The following PDE1C variants were observed in gnomAD, a reference collection of about 807,000 sequenced individuals.
PDE1C encodes the protein dual specificity calcium/calmodulin-dependent 3',5'-cyclic nucleotide phosphodiesterase 1C.
In PDE1C, 62 loss-of-function variants were observed where a neutral mutation model predicts 93.1. The ratio of observed to expected loss-of-function variants is 0.67; its 90% confidence interval spans 0.54 to 0.82. The LOEUF (loss-of-function observed/expected upper bound fraction) is 0.82, where lower values mean the gene tolerates loss of function less well. Among genes scored for constraint, PDE1C ranks in the 40% least tolerant of loss-of-function variants. The probability of loss-of-function intolerance (pLI) is 0.00; values close to 1 mark genes in which losing one functional copy is unlikely to be tolerated. For missense variants in PDE1C, 742 were observed against 884.6 expected, an observed-to-expected ratio of 0.84 and a Z score of 2.04; for synonymous variants, 325 against 310.1, an observed-to-expected ratio of 1.05 and a Z score of -0.50.
chr7:31,878,154 C>A (rs914719451), intron 4 of PDE1C, 118 bp from the exon 5 acceptor site: 4 of 625,052 alleles, frequency 6.4e-6, no homozygotes, highest in Admixed American at 3.3e-5. Context: ...ATCCAAAGAA[C>A]CTAAAATTCA....
intron 1 of PDE1C, among the ~76,000 whole-genome samples, chr7:32,337,978 T>A: frequency 6.6e-6 from 1 of 151,928 alleles, no homozygotes; most frequent in South Asian, 2.1e-4. Context: ...AAAAATTAAC[T>A]CAAAGACCTA....
intron 1 of PDE1C, among the ~76,000 whole-genome samples, chr7:32,257,112 C>G (rs1424681225): frequency 1.3e-5 from 2 of 152,108 alleles, no homozygotes; most frequent in East Asian, 1.9e-4. Context: ...AGATAAGCCT[C>G]TCAACCAAAG....
At chr7:32,076,383 G>A (rs1454050364), upstream of PDE1C, among the ~76,000 whole-genome samples, 6 of 152,180 alleles carry the variant, frequency 3.9e-5, no homozygotes, top group Non-Finnish European at 8.8e-5. Flanking sequence ...GCTCATGCCT[G>A]TAATCCCAGC....
intron 2 of PDE1C, among the ~76,000 whole-genome samples, chr7:31,931,836 C>T (rs1289410323): frequency 6.6e-6 from 1 of 152,152 alleles, no homozygotes; most frequent in East Asian, 1.9e-4. Context: ...TGACTTCAAA[C>T]TATACTACAA....
upstream of PDE1C, among the ~76,000 whole-genome samples, chr7:32,072,554 G>A (rs925306402): frequency 1.3e-5 from 2 of 152,292 alleles, no homozygotes; most frequent in East Asian, 1.9e-4. Context: ...CCCCAAATGG[G>A]GTATTTCCAT....
At chr7:31,988,156 C>T (rs1053060949) in intron 2 of PDE1C, among the ~76,000 whole-genome samples, 5 of 152,188 alleles carry the variant, frequency 3.3e-5, no homozygotes, top group African/African-American at 1.2e-4. Context: ...TGGCTTCACC[C>T]TCTGCCCTGC....
the PDE1C span, among the ~76,000 whole-genome samples, chr7:31,638,456 T>TATGTTTTACATACAAACA: frequency 6.6e-6 from 1 of 152,146 alleles, no homozygotes; most frequent in African/African-American, 2.4e-5. Flanking sequence ...TAATAACAGG[T>TATGTTTTACATACAAACA]GTTTATGTTT....
chr7:31,659,782 T>C, the PDE1C span, among the ~76,000 whole-genome samples: 163 of 152,296 alleles, frequency 1.1e-3, no homozygotes, highest in Middle Eastern at 3.4e-3. Context: ...ACTCAAATCA[T>C]GTAGAGCTAT....
chr7:32,237,109 T>TG (rs1808150784), intron 1 of PDE1C, among the ~76,000 whole-genome samples: 1 of 142,712 alleles, frequency 7.0e-6, no homozygotes, highest in Admixed American at 7.4e-5. Context: ...TTTTTTAAGA[T>TG]GGAGTCTCGC....
At chr7:32,317,232 A>G (rs998617809) in intron 1 of PDE1C, among the ~76,000 whole-genome samples, 7 of 152,200 alleles carry the variant, frequency 4.6e-5, no homozygotes, top group Non-Finnish European at 1.0e-4. Context: ...CCTCTCTGGT[A>G]GTTTTCTTTA....
the PDE1C span, among the ~76,000 whole-genome samples, chr7:31,735,744 G>T: frequency 3.3e-5 from 5 of 152,140 alleles, no homozygotes; most frequent in Non-Finnish European, 7.3e-5. Context: ...TGGGTCTGTG[G>T]CTCTAGGGCA....
intron 2 of PDE1C, among the ~76,000 whole-genome samples, chr7:32,045,632 C>G (rs915263998): frequency 6.6e-6 from 1 of 152,136 alleles, no homozygotes; most frequent in African/African-American, 2.4e-5. Context: ...TTAATTTTCC[C>G]AACAAGTTAC....
intron 3 of PDE1C, among the ~76,000 whole-genome samples, chr7:32,125,057 T>C (rs1254007381): frequency 6.6e-6 from 1 of 151,912 alleles, no homozygotes; most frequent in Non-Finnish European, 1.5e-5. Context: ...AGTGGGCAAA[T>C]GATATGAACA....
chr7:31,759,335 T>C (rs770271585), intron 17 of PDE1C, among the ~76,000 whole-genome samples: 12 of 152,106 alleles, frequency 7.9e-5, no homozygotes, highest in Middle Eastern at 3.2e-3. Context: ...ACCTAAACTA[T>C]CGGAAGGGGT....
intron 1 of PDE1C, among the ~76,000 whole-genome samples, chr7:32,304,710 A>T (rs1452935402): frequency 6.6e-6 from 1 of 152,104 alleles, no homozygotes; most frequent in Admixed American, 6.5e-5. Flanking sequence ...AGCCTCTCTG[A>T]GTCTTAGTTT....
chr7:32,223,035 T>C (rs148314257), intron 1 of PDE1C, among the ~76,000 whole-genome samples: 2 of 152,212 alleles, frequency 1.3e-5, no homozygotes, highest in Non-Finnish European at 2.9e-5. Flanking sequence ...CCCCTGAAAT[T>C]GACCCAAGCA....
intron 17 of PDE1C, among the ~76,000 whole-genome samples, chr7:31,770,080 T>C (rs1583997531): frequency 1.3e-5 from 2 of 152,232 alleles, no homozygotes; most frequent in African/African-American, 4.8e-5. Context: ...TTATTTCATT[T>C]GTTTTATTAT....
upstream of PDE1C, among the ~76,000 whole-genome samples, chr7:32,301,059 G>T (rs1585096883): frequency 6.6e-6 from 1 of 151,872 alleles, no homozygotes; most frequent in African/African-American, 2.4e-5. Flanking sequence ...GGCTTGTCTC[G>T]AACTCCCGAG....
intron 3 of PDE1C, among the ~76,000 whole-genome samples, chr7:32,084,277 G>T (rs1185691389): frequency 6.6e-6 from 1 of 151,720 alleles, no homozygotes; most frequent in Non-Finnish European, 1.5e-5. Context: ...AATGGTAAAG[G>T]GATCAATTCA....
Sources: gnomAD v4.1 joint callset for allele counts (sites outside exome capture counted in the v4.1 genomes callset) on GRCh38, gnomAD v4.1.1 for gene constraint, MANE v1.5 for transcripts, NCBI Gene and HGNC (gene_info 2026-07-23, HGNC 2026-07-21) for gene names.